The following ZNF138 variants were observed in gnomAD, a reference collection of about 807,000 sequenced individuals.
ZNF138 encodes the protein zinc finger protein 138, also known as zinc finger protein 138 (clone pHZ-32).
Under a neutral mutation model 33.0 loss-of-function variants are expected in ZNF138, and 33 were observed. The ratio of observed to expected loss-of-function variants is 1.00; its 90% CI spans 0.76 to 1.34. The LOEUF (loss-of-function observed/expected upper bound fraction) is 1.34. Ranked by LOEUF, ZNF138 falls within the 40% of genes most tolerant of loss-of-function variation. ZNF138 has a pLI of 0.00. For synonymous variants in ZNF138, 139 were observed against 120.4 expected (o/e 1.15, Z -1.01); for missense variants, 360 against 370.8 (o/e 0.97, Z 0.24).
chr7:64,820,449 T>C lies in ZNF138; in HGVS notation c.208+4796T>C, dbSNP rs79982422. Among the ~76,000 whole-genome samples, 1,279 of 151,858 alleles carry C rather than the reference T, an allele frequency of 8.4e-3. 69 individuals are homozygous for C. Among genetic ancestry groups the C allele is most frequent in the African/African-American group, 0.028 (1,150 of 41,108 alleles). On this transcript the variant is annotated intron_variant, in intron 3 of 3. Transcript: ENST00000307355. ...GTTTGTAAGTCAAGGGACAGTTGCT[T>C]CAGCCTTCCAGCTTTTGTGAATACT...
chr7:64,804,970 A>T (rs1020296566), intron 1 of ZNF138, among the ~76,000 whole-genome samples: 2 of 152,158 alleles, frequency 1.3e-5, no homozygotes, highest in African/African-American at 4.8e-5. Flanking sequence ...TGTTTAAAAA[A>T]AATTCTTTGA....
chr7:64,821,460 G>C lies in ZNF138; in HGVS notation c.208+5807G>C, dbSNP rs181026894. ...ATTAATTTAGTGTGTTTTTTCAAAT[G>C]CTTTTTCCATTTGTGTATCATTTTT... On this transcript the variant is annotated intron_variant, in intron 3 of 3. Coordinates refer to ENST00000307355, the MANE Select transcript of ZNF138 (RefSeq NM_001271639.2). Among the ~76,000 whole-genome samples, 3 of 151,472 alleles carry C rather than the reference G, an allele frequency of 2.0e-5. No homozygotes were observed. The East Asian group carries it at 5.8e-4, about 29-fold the overall frequency.
At chr7:64,848,543 C>T in the ZNF138 span, among the ~76,000 whole-genome samples, 352 of 151,758 alleles carry the variant, frequency 2.3e-3, 3 homozygotes, top group African/African-American at 8.0e-3. Context: ...AAGATTTCTC[C>T]CCTTATTTCT....
chr7:64,859,905 A>G, the ZNF138 span, among the ~76,000 whole-genome samples: 3 of 152,180 alleles, frequency 2.0e-5, no homozygotes, highest in East Asian at 3.9e-4. Context: ...TTGGCAGGCC[A>G]AGGTGGGTGG....
chr7:64,833,295 C>G lies in ZNF138; in HGVS notation c.*1093C>G, dbSNP rs1399927452. ...GCTTTTAACCAATTCTCAAATCTTA[C>G]TAAACAAAATTAATACTGAAAATGT... On this transcript the variant is annotated 3_prime_UTR_variant, in exon 4 of 4. Coordinates refer to ENST00000307355, the MANE Select transcript of ZNF138 (RefSeq NM_001271639.2). The G allele has an allele frequency of 6.2e-6, 1 of 161,924 alleles. No individual in the cohort carries two copies. The highest frequency in any genetic ancestry group is 1.8e-4 in the East Asian group (1 of 5,514). The allele number at this position is 161,924 out of a possible 1,614,324, so 10.0% of individuals were successfully genotyped here.
intron 3 of ZNF138, chr7:64,831,125 G>T: frequency 6.5e-7 from 1 of 1,550,192 alleles, no homozygotes; most frequent in Non-Finnish European, 8.7e-7. Context: ...CCAAGAGTTG[G>T]CAGTTTACTT....
At position 64,794,446 on chromosome 7, in the gene ZNF138, C is replaced by A; in HGVS notation, c.-123C>A. 1 of 1,295,106 alleles carries A rather than the reference C, an allele frequency of 7.7e-7. No individual in the cohort carries two copies. Among genetic ancestry groups the A allele is most frequent in the Admixed American group, 2.5e-5 (1 of 40,518 alleles). 80.2% of individuals were successfully genotyped at this position (1,295,106 alleles called of 1,614,324 possible). A position where few individuals can be genotyped will look rare whatever the true frequency, so the allele number is the denominator to read the frequency against. ...GGTCTTTGTCTCGCTGCAGCGGGTG[C>A]TGCAGGTCTGGCCTTCACTTTTCTG... On this transcript the variant is annotated 5_prime_UTR_variant, in exon 1 of 4. In the 5' UTR this introduces an upstream ATG that the reference lacks. Coordinates refer to ENST00000307355, the MANE Select transcript of ZNF138 (RefSeq NM_001271639.2).
chr7:64,797,622 A>C (rs1259275650), intron 1 of ZNF138, among the ~76,000 whole-genome samples: 2 of 152,178 alleles, frequency 1.3e-5, no homozygotes, highest in African/African-American at 4.8e-5. Context: ...GAGAGAAGCT[A>C]CAGAGCCCTG....
chr7:64,847,260 G>A, the ZNF138 span, among the ~76,000 whole-genome samples: 6 of 149,686 alleles, frequency 4.0e-5, no homozygotes, highest in Admixed American at 1.3e-4. Context: ...ATCACTTGAG[G>A]TTAGGAGTTT....
intron 3 of ZNF138, among the ~76,000 whole-genome samples, chr7:64,825,142 A>G (rs1789470983): frequency 7.8e-6 from 1 of 127,502 alleles, no homozygotes. Flanking sequence ...TGTAGGCCGC[A>G]TGTTGTATGC....
chr7:64,843,568 G>A, the ZNF138 span, among the ~76,000 whole-genome samples: 3 of 151,800 alleles, frequency 2.0e-5, no homozygotes, highest in African/African-American at 7.3e-5. Context: ...TGTGTCTCTT[G>A]ACCATATGTA....
intron 3 of ZNF138, among the ~76,000 whole-genome samples, chr7:64,819,604 G>A (rs146758611): frequency 1.6e-4 from 25 of 152,172 alleles, no homozygotes; most frequent in African/African-American, 5.5e-4. Context: ...CCTCAGCTCA[G>A]GCAATCTGCC....
At chr7:64,829,106 C>A (rs4717217) in intron 3 of ZNF138, among the ~76,000 whole-genome samples, 95,418 of 151,850 alleles carry the variant, frequency 0.63, 30,472 homozygotes, top group African/African-American at 0.73. Flanking sequence ...GTTAAGACTT[C>A]TTTTTTGGCC....
Position 64,832,100 on chromosome 7 carries a change from G to C in ZNF138, c.858G>C (p.Lys286Asn). ...CCTACAAATGTGAACAATGTGGCAA[G>C]GTCTTTAAGCAGTCCCCAACCCTTA... ...EKPYKCEQCG[K>N]VFKQSPTLTK... The change falls in exon 4 of 4, where the codon AAG becomes AAC. Residue 286 changes from lysine (K) to asparagine (N), a missense_variant. Physicochemically the swap from Lys to Asn is moderately conservative, Grantham distance 94 (BLOSUM62 0). Coordinates refer to ENST00000307355, the MANE Select transcript of ZNF138 (RefSeq NM_001271639.2). 6 of 1,613,364 alleles carry C rather than the reference G, an allele frequency of 3.7e-6. No homozygotes were observed. Among genetic ancestry groups the C allele is most frequent in the Non-Finnish European group, 5.1e-6 (6 of 1,179,816 alleles).
At position 64,827,997 on chromosome 7, in the gene ZNF138, C is replaced by G. The variant is rs537570667; in HGVS notation, c.209-3454C>G. Among the ~76,000 whole-genome samples the G allele has an allele frequency of 3.3e-5, 5 of 152,074 alleles. No individual in the cohort carries two copies. In the South Asian group the frequency reaches 1.0e-3, roughly 32 times the overall value. ...TCTGTTTGCCTCTATGAATATTATC[C>G]TTGTGTTTTTTATAACTTATTTATT... On this transcript the variant is annotated intron_variant, in intron 3 of 3. Transcript: ENST00000307355.
chr7:64,804,550 AGGTG>A (rs774973143), intron 1 of ZNF138, among the ~76,000 whole-genome samples: 109 of 147,338 alleles, frequency 7.4e-4, no homozygotes, highest in Non-Finnish European at 1.2e-3. Context: ...GGAGAGGCGG[AGGTG>A]GGTGGATCAT....
At chr7:64,805,414 A>AACAAAACAAAAC (rs371227558) in intron 1 of ZNF138, among the ~76,000 whole-genome samples, 3 of 135,192 alleles carry the variant, frequency 2.2e-5, no homozygotes, top group East Asian at 3.2e-4. Flanking sequence ...AACAAAACAA[A>AACAAAACAAAAC]AAAAAAAACT....
In ZNF138 at chr7:64,794,544, G is replaced by A; in HGVS notation, c.-25G>A. 1 of 1,613,130 alleles carries A rather than the reference G, an allele frequency of 6.2e-7. No individual in the cohort carries two copies. Among genetic ancestry groups the A allele is most frequent in the Non-Finnish European group, 8.5e-7 (1 of 1,179,382 alleles). On this transcript the variant is annotated 5_prime_UTR_variant, in exon 1 of 4. Transcript: ENST00000307355. The stretch of plus-strand genomic sequence containing the variant: ...TTATTGGGAGATTCACAGCTAAGAC[G>A]CCAGGATCCCCCGGAAGCCTAGAAA...
chr7:64,847,526 G>T, the ZNF138 span, among the ~76,000 whole-genome samples: 2 of 151,638 alleles, frequency 1.3e-5, no homozygotes, highest in African/African-American at 4.8e-5. Context: ...TATAAATTTG[G>T]TAGCACCAGT....
Sources: allele counts gnomAD v4.1 joint callset (sites outside exome capture counted in the v4.1 genomes callset), GRCh38; gene constraint gnomAD v4.1.1; transcripts MANE v1.5; gene names NCBI Gene and HGNC (gene_info 2026-07-23, HGNC 2026-07-21).